Variants in EBF3 observed in about 807,000 individuals in gnomAD.
The protein encoded by EBF3 is EBF transcription factor 3.
In EBF3, 18 loss-of-function variants were observed where a neutral mutation model predicts 77.1. The ratio of observed to expected loss-of-function variants is 0.23; its 90% confidence interval spans 0.16 to 0.35. The LOEUF (loss-of-function observed/expected upper bound fraction) is 0.35, where lower values mean the gene tolerates loss of function less well. Among genes scored for constraint, EBF3 ranks in the 10% least tolerant of loss-of-function variants. The probability of loss-of-function intolerance (pLI) is 1.00; values close to 1 mark genes in which losing one functional copy is unlikely to be tolerated. For synonymous variants in EBF3, 350 were observed against 343.5 expected (o/e 1.02, Z -0.21); for missense variants, 558 against 860.0 (o/e 0.65, Z 4.39).
Position 129,872,842 on chromosome 10 carries a change from T to G in EBF3, c.781+610A>C, listed in dbSNP as rs7915028. Among the ~76,000 whole-genome samples, 666 of 152,278 alleles carry G rather than the reference T, an allele frequency of 4.4e-3. 5 individuals are homozygous for G. The highest frequency in any genetic ancestry group is 0.015 in the African/African-American group (642 of 41,524). On this transcript the variant is annotated intron_variant, in intron 8 of 16. Transcript: ENST00000440978. ...AGTCTTTCTGCATTCCGACCTGATA[T>G]CCAAGAACCTTTCTCCCTACCTACC...
intron 15 of EBF3, 25 bp downstream of exon 15, chr10:129,840,220 G>A: frequency 6.5e-7 from 1 of 1,537,706 alleles, no homozygotes. Flanking sequence ...CCCAGCACTG[G>A]CCCACGGCCC....
chr10:129,886,352 A>G (rs1348142629), intron 6 of EBF3, among the ~76,000 whole-genome samples: 1 of 152,222 alleles, frequency 6.6e-6, no homozygotes, highest in Non-Finnish European at 1.5e-5. Flanking sequence ...AATGCAGGTA[A>G]TGCAGCTTAA....
intron 6 of EBF3, among the ~76,000 whole-genome samples, chr10:129,936,452 CG>C (rs1564906128): frequency 6.6e-6 from 1 of 152,186 alleles, no homozygotes. Context: ...GAGAGGCCCA[CG>C]GGAAGTAGGG....
rs1850642939 is a variant in EBF3, at chr10:129,848,645, T to C, written c.1040-165A>G. Among the ~76,000 whole-genome samples the C allele has an allele frequency of 6.6e-6, 1 of 152,194 alleles. No individual in the cohort carries two copies. Among genetic ancestry groups the C allele is most frequent in the Non-Finnish European group, 1.5e-5 (1 of 68,044 alleles). On this transcript the variant is annotated intron_variant, in intron 10 of 16. Transcript: ENST00000440978. This position sits in a 1 kb window ranked among gnomAD's most constrained non-coding sequence, Gnocchi z 4.4. ...GTCTTAAGGAATAGATTTTCCCCCT[T>C]TCTTTTGCACATAAAAGCAACGATT... is the stretch of plus-strand genomic sequence containing the variant.
rs776206608 is a variant in EBF3 at position 129,963,976 on chromosome 10, G to T, written c.-208C>A. 3.8e-5 allele frequency: 39 copies of T among 1,021,274 alleles called. No homozygotes were observed. The highest frequency in any genetic ancestry group is 4.6e-5 in the Non-Finnish European group (39 of 855,086). The allele number at this position is 1,021,274 out of a possible 1,614,324, so 63.3% of individuals were successfully genotyped here. Reference sequence around the variant, plus strand: ...CCGGACGGCCAGGGGCGCGGAGGCGGCTCCACCGGCGGCGGCGGCGCTTCG... The same window carrying T: ...CCGGACGGCCAGGGGCGCGGAGGCGTCTCCACCGGCGGCGGCGGCGCTTCG... On this transcript the variant is annotated 5_prime_UTR_variant, in exon 1 of 17. Coordinates refer to ENST00000440978, the MANE Select transcript of EBF3 (RefSeq NM_001375380.1). This position sits in a 1 kb window ranked among gnomAD's most constrained non-coding sequence, Gnocchi z 7.1.
At position 129,944,365 on chromosome 10, in the gene EBF3, A is replaced by G. The variant is rs905349504; in HGVS notation, c.554+12893T>C. On this transcript the variant is annotated intron_variant, in intron 6 of 16. Coordinates refer to ENST00000440978, the MANE Select transcript of EBF3 (RefSeq NM_001375380.1). This position sits in a 1 kb window ranked among gnomAD's most constrained non-coding sequence, Gnocchi z 5.1. ...TTTTATTGTTAATCAATGCCAATCA[A>G]TTCTGAGCCTTGATGTTAAATAGGG... Among the ~76,000 whole-genome samples, 1 of 152,236 alleles carries G rather than the reference A, an allele frequency of 6.6e-6. No homozygotes were observed. The highest frequency in any genetic ancestry group is 2.4e-5 in the African/African-American group (1 of 41,444).
chr10:129,916,308 G>A (rs896652552), intron 6 of EBF3, among the ~76,000 whole-genome samples: 5 of 152,220 alleles, frequency 3.3e-5, no homozygotes, highest in Non-Finnish European at 7.3e-5. Context: ...GGTTCCTCGT[G>A]AGCCTCAGGC....
chr10:129,937,274 A>C (rs1334217560), intron 6 of EBF3, among the ~76,000 whole-genome samples: 1 of 152,118 alleles, frequency 6.6e-6, no homozygotes, highest in Non-Finnish European at 1.5e-5. Context: ...GTTTGAGCAG[A>C]GGGCAGGATG....
At chr10:129,939,540 CTTT>C (rs1216087429) in intron 6 of EBF3, among the ~76,000 whole-genome samples, 1 of 152,088 alleles carries the variant, frequency 6.6e-6, no homozygotes, top group Non-Finnish European at 1.5e-5. Flanking sequence ...GTTCTGTTTT[CTTT>C]GTTTTGCCAA....
chr10:129,909,194 T>C lies in EBF3; in HGVS notation c.555-31345A>G, dbSNP rs563760340. ...CTGCCCAGAACCCATGATCTCCCCA[T>C]GGCTGCCCTGGATGGAAGAGGCCAG... On this transcript the variant is annotated intron_variant, in intron 6 of 16. Coordinates refer to ENST00000440978, the MANE Select transcript of EBF3 (RefSeq NM_001375380.1). Among the ~76,000 whole-genome samples, 15 of 152,310 alleles carry C rather than the reference T, an allele frequency of 9.8e-5. 1 individual carries two copies. The South Asian group carries it at 2.7e-3, about 27-fold the overall frequency.
In EBF3 at chr10:129,867,366, A is replaced by C. The variant is rs1852097662; in HGVS notation, c.913-99T>G. 3.4e-5 allele frequency: 53 copies of C among 1,543,278 alleles called. 1 individual carries two copies. The South Asian group carries it at 5.0e-4, about 15-fold the overall frequency. ...AATTACCAAAATGAGCACAAATTGG[A>C]CCATCGTCTTGGAATGCCCCCTCCT... On this transcript the variant is annotated intron_variant, in intron 9 of 16. Transcript: ENST00000440978.
At chr10:129,898,178 G>C (rs937979662) in intron 6 of EBF3, among the ~76,000 whole-genome samples, 1 of 152,238 alleles carries the variant, frequency 6.6e-6, no homozygotes, top group Non-Finnish European at 1.5e-5. Flanking sequence ...AGAAGCAAGA[G>C]AACAAGACGA....
intron 4 of EBF3, among the ~76,000 whole-genome samples, chr10:129,961,390 G>T (rs182816186): frequency 1.6e-3 from 251 of 152,190 alleles, no homozygotes; most frequent in African/African-American, 5.1e-3. Context: ...ACACCACCCA[G>T]CACAAAACCA....
At chr10:129,846,930 G>A (rs932467135) in intron 11 of EBF3, among the ~76,000 whole-genome samples, 2 of 152,096 alleles carry the variant, frequency 1.3e-5, no homozygotes, top group Admixed American at 6.5e-5. Context: ...GGAGGCAGAA[G>A]CCCTTCCCTG....
At chr10:129,905,054 C>T (rs959772721) in intron 6 of EBF3, among the ~76,000 whole-genome samples, 1 of 152,266 alleles carries the variant, frequency 6.6e-6, no homozygotes, top group East Asian at 1.9e-4. Context: ...GTTCGTCCCA[C>T]TAGAGATGTG....
In EBF3 at chr10:129,957,342, A is replaced by G. The variant is rs1194758644; in HGVS notation, c.486-16T>C. ...ACAGCACCGGCTGTGGAGCAATTGT[A>G]AACAGTGGTTTTAATATGCATTTCC... On this transcript the variant is annotated splice_polypyrimidine_tract_variant and intron_variant, in intron 5 of 16. Transcript: ENST00000440978. 1 of 1,589,604 alleles carries G rather than the reference A, an allele frequency of 6.3e-7. No individual in the cohort carries two copies. Among genetic ancestry groups the G allele is most frequent in the Non-Finnish European group, 8.6e-7 (1 of 1,168,580 alleles).
At chr10:129,934,634 C>T (rs1477227933) in intron 6 of EBF3, among the ~76,000 whole-genome samples, 1 of 152,104 alleles carries the variant, frequency 6.6e-6, no homozygotes, top group Admixed American at 6.5e-5. Flanking sequence ...AAGTTCACTC[C>T]CCCTCATTTC....
intron 10 of EBF3, among the ~76,000 whole-genome samples, chr10:129,855,751 T>C (rs1851210612): frequency 6.6e-6 from 1 of 152,206 alleles, no homozygotes; most frequent in Admixed American, 6.5e-5. Flanking sequence ...GAATGCTATA[T>C]CCTTTTCTTT....
In EBF3 at chr10:129,938,089, A is replaced by G. The variant is rs1195776300; in HGVS notation, c.554+19169T>C. Among the ~76,000 whole-genome samples, 1 of 152,180 alleles carries G rather than the reference A, an allele frequency of 6.6e-6. No individual in the cohort carries two copies. The highest frequency in any genetic ancestry group is 1.5e-5 in the Non-Finnish European group (1 of 68,034). On this transcript the variant is annotated intron_variant, in intron 6 of 16. Transcript: ENST00000440978. This position sits in a 1 kb window ranked among gnomAD's most constrained non-coding sequence, Gnocchi z 5.1. ...CTCCACAACCACGCAAACTGTAAAGAGACCACCATGTCCTTCAGCAGCACC... is the reference window on the plus strand; with the variant it reads ...CTCCACAACCACGCAAACTGTAAAGGGACCACCATGTCCTTCAGCAGCACC...
Sources: gnomAD v4.1 joint callset for allele counts (sites outside exome capture counted in the v4.1 genomes callset) on GRCh38, gnomAD v4.1.1 for gene constraint, Gnocchi (gnomAD v3.1) non-coding constraint, MANE v1.5 for transcripts, NCBI Gene and HGNC (gene_info 2026-07-23, HGNC 2026-07-21) for gene names.